The following LGSN variants were observed in gnomAD, a reference collection of about 807,000 sequenced individuals.
LGSN encodes lengsin.
Under a neutral mutation model 19.5 loss-of-function variants are expected in LGSN, and 21 were observed. The observed-to-expected ratio is 1.07, with a 90% CI of 0.76 to 1.55. The LOEUF is 1.55. Among genes scored for constraint, LGSN ranks in the 40% most tolerant of loss-of-function variants. The pLI is 0.00. For missense variants in LGSN, 673 were observed against 608.5 expected (o/e 1.11, Z -1.12); for synonymous variants, 257 against 215.6 (o/e 1.19, Z -1.68).
chr6:63,454,761 C>T, the LGSN span, among the ~76,000 whole-genome samples: 10 of 149,760 alleles, frequency 6.7e-5, no homozygotes, highest in Non-Finnish European at 1.2e-4. Flanking sequence ...TGAGCCACCG[C>T]GCCTGGCCCT....
At chr6:63,357,578 G>A in the LGSN span, among the ~76,000 whole-genome samples, 1 of 152,060 alleles carries the variant, frequency 6.6e-6, no homozygotes, top group Middle Eastern at 3.2e-3. Flanking sequence ...TTCTCTGATG[G>A]CCACTGATGA....
the LGSN span, among the ~76,000 whole-genome samples, chr6:63,445,377 G>A: frequency 1.3e-5 from 2 of 151,978 alleles, no homozygotes; most frequent in East Asian, 3.9e-4. Flanking sequence ...CAGCACTTTG[G>A]GAGGCCAAGG....
At chr6:63,376,729 T>C in the LGSN span, among the ~76,000 whole-genome samples, 1 of 152,172 alleles carries the variant, frequency 6.6e-6, no homozygotes, top group Non-Finnish European at 1.5e-5. Context: ...AAATAGGAAA[T>C]TGTATTTTAT....
the LGSN span, among the ~76,000 whole-genome samples, chr6:63,479,718 C>T: frequency 5.3e-5 from 8 of 149,768 alleles, no homozygotes; most frequent in Admixed American, 1.4e-4. Context: ...CCAGCTTGGG[C>T]GACAGAGTGA....
chr6:63,494,765 A>G, the LGSN span, among the ~76,000 whole-genome samples: 1 of 152,196 alleles, frequency 6.6e-6, no homozygotes, highest in African/African-American at 2.4e-5. Flanking sequence ...CAAAACTTTT[A>G]CCTTGCTATA....
chr6:63,529,359 A>G, the LGSN span, among the ~76,000 whole-genome samples: 2 of 150,198 alleles, frequency 1.3e-5, no homozygotes, highest in African/African-American at 5.0e-5. Context: ...CAGAACAAAG[A>G]TCAAACTGCT....
At chr6:63,282,050 A>G (rs1767343283) in intron 3 of LGSN, among the ~76,000 whole-genome samples, 1 of 152,234 alleles carries the variant, frequency 6.6e-6, no homozygotes, top group Admixed American at 6.5e-5. Flanking sequence ...GTGTTAGACT[A>G]GATGACTGCT....
At chr6:63,531,484 A>T in the LGSN span, among the ~76,000 whole-genome samples, 6 of 149,898 alleles carry the variant, frequency 4.0e-5, no homozygotes, top group Middle Eastern at 3.4e-3. Context: ...TAATATTTGT[A>T]TTAAGTTCCT....
the LGSN span, among the ~76,000 whole-genome samples, chr6:63,483,091 C>A: frequency 8.5e-5 from 13 of 152,198 alleles, no homozygotes; most frequent in African/African-American, 1.7e-4. Context: ...GCCAGATATG[C>A]ATCTCTATTG....
At chr6:63,444,817 T>C in the LGSN span, among the ~76,000 whole-genome samples, 1 of 152,138 alleles carries the variant, frequency 6.6e-6, no homozygotes, top group Non-Finnish European at 1.5e-5. Context: ...GATGGAGCCT[T>C]TTTTCCCAGG....
Position 63,285,762 on chromosome 6 carries a change from T to TA in LGSN, c.164-10dup, listed in dbSNP as rs749114048. On this transcript the variant is annotated splice_polypyrimidine_tract_variant and intron_variant, in intron 2 of 3. Transcript: ENST00000370657. ...GCTGTCCCTCATGCAATCTGCAAAA[T>TA]AAAAAAATAGGTTCTAACTCACGAG... 6.8e-6 allele frequency: 11 copies of TA among 1,611,624 alleles called. No homozygotes were observed. The highest frequency in any genetic ancestry group is 6.7e-5 in the East Asian group (3 of 44,862).
At chr6:63,371,039 G>C in the LGSN span, among the ~76,000 whole-genome samples, 8 of 152,304 alleles carry the variant, frequency 5.3e-5, no homozygotes, top group East Asian at 1.3e-3. Context: ...TTCTGTCAGA[G>C]TGGAAAGTCT....
At chr6:63,310,482 TTC>T (rs1163662380) in intron 1 of LGSN, among the ~76,000 whole-genome samples, 16 of 152,210 alleles carry the variant, frequency 1.1e-4, no homozygotes, top group East Asian at 7.7e-4. Context: ...TGAAAATCTA[TTC>T]TCTCAGCAAT....
At chr6:63,285,784 C>T (rs377114817) in intron 2 of LGSN, 31 bp from the exon 3 acceptor site, 23 of 1,597,866 alleles carry the variant, frequency 1.4e-5, no homozygotes, top group Middle Eastern at 1.7e-4. Context: ...TTCTAACTCA[C>T]GAGATCATGA....
the LGSN span, among the ~76,000 whole-genome samples, chr6:63,356,859 T>A: frequency 6.6e-6 from 1 of 151,940 alleles, no homozygotes; most frequent in Admixed American, 6.6e-5. Flanking sequence ...ACTTTAAGTT[T>A]TAGGGTACAT....
At chr6:63,293,079 C>T (rs1169602175) in intron 2 of LGSN, among the ~76,000 whole-genome samples, 1 of 152,124 alleles carries the variant, frequency 6.6e-6, no homozygotes, top group Non-Finnish European at 1.5e-5. Flanking sequence ...AATCACAACT[C>T]ACCTCAACCT....
the LGSN span, among the ~76,000 whole-genome samples, chr6:63,385,313 C>T: frequency 1.8e-3 from 270 of 152,222 alleles, no homozygotes; most frequent in African/African-American, 6.0e-3. Flanking sequence ...GGCAGATCTA[C>T]CAAAATATAC....
the LGSN span, among the ~76,000 whole-genome samples, chr6:63,546,376 G>C: frequency 6.6e-6 from 1 of 152,134 alleles, no homozygotes; most frequent in Non-Finnish European, 1.5e-5. Flanking sequence ...GCCAGGGGCT[G>C]AGGCTTGGGG....
At chr6:63,402,180 T>A in the LGSN span, among the ~76,000 whole-genome samples, 1 of 152,158 alleles carries the variant, frequency 6.6e-6, no homozygotes. Context: ...TATATATAGT[T>A]GTCAGGCAAC....
Sources: gnomAD v4.1 joint callset for allele counts (sites outside exome capture counted in the v4.1 genomes callset) on GRCh38, gnomAD v4.1.1 for gene constraint, MANE v1.5 for transcripts, NCBI Gene and HGNC (gene_info 2026-07-23, HGNC 2026-07-21) for gene names.